TSC2: variants seen among roughly 807,000 people sequenced by gnomAD.
TSC2 encodes tuberin.
TSC2 carries 29 observed loss-of-function variants against 202.2 expected under a neutral mutation model. The observed-to-expected ratio is 0.14, with a 90% CI of 0.11 to 0.20. The LOEUF (loss-of-function observed/expected upper bound fraction) is 0.20. Ranked by LOEUF, TSC2 falls within the 10% of genes least tolerant of loss-of-function variation. The probability of loss-of-function intolerance (pLI) is 1.00; values close to 1 mark genes in which losing one functional copy is unlikely to be tolerated. For synonymous variants in TSC2, 1,349 were observed against 1,044.0 expected, an observed-to-expected ratio of 1.29 and a Z score of -5.63; for missense variants, 2,429 against 2,420.0, an observed-to-expected ratio of 1.00 and a Z score of -0.08.
At chr16:2,086,412 C>CCAGGCCT (rs1567534000) in intron 37 of TSC2, 33 bp downstream of exon 37, 2 of 1,605,016 alleles carry the variant, frequency 1.2e-6, no homozygotes, top group Non-Finnish European at 1.7e-6. Flanking sequence ...TCCTGCTGCC[C>CCAGGCCT]CAGGCCTCAG....
At chr16:2,049,954 T>A (rs1031078753) in intron 2 of TSC2, among the ~76,000 whole-genome samples, 1 of 138,546 alleles carries the variant, frequency 7.2e-6, no homozygotes, top group African/African-American at 2.6e-5. Flanking sequence ...TCAGTAAATC[T>A]TTTTTTTTTT....
intron 9 of TSC2, among the ~76,000 whole-genome samples, chr16:2,057,608 C>T (rs1411181959): frequency 6.6e-6 from 1 of 152,190 alleles, no homozygotes; most frequent in Non-Finnish European, 1.5e-5. Context: ...CTCCTGCTCT[C>T]CTGTATCCAT....
At chr16:2,056,877 T>C in intron 8 of TSC2, 108 bp downstream of exon 8, 2 of 1,564,152 alleles carry the variant, frequency 1.3e-6, no homozygotes, top group Non-Finnish European at 1.7e-6. Flanking sequence ...GGCCAGACAA[T>C]GGCCTGTTGA....
chr16:2,048,544 G>C, intron 1 of TSC2, 43 bp from the exon 2 acceptor site: 1 of 1,612,036 alleles, frequency 6.2e-7, no homozygotes. Flanking sequence ...AAGGTGGGCA[G>C]AGGTGTTGCT....
At chr16:2,067,228 A>C (rs1036901698) in intron 16 of TSC2, among the ~76,000 whole-genome samples, 3 of 151,866 alleles carry the variant, frequency 2.0e-5, no homozygotes, top group African/African-American at 7.3e-5. Context: ...CTGTGACCAT[A>C]GCTCAGTGCA....
At chr16:2,048,198 CCTTA>C in intron 1 of TSC2, 133 bp downstream of exon 1, 2 of 1,531,716 alleles carry the variant, frequency 1.3e-6, no homozygotes. Context: ...TCCGAGCATC[CCTTA>C]GTTTTAAGTC....
At chr16:2,085,758 G>A (rs548599278) in intron 36 of TSC2, among the ~76,000 whole-genome samples, 3 of 152,338 alleles carry the variant, frequency 2.0e-5, no homozygotes, top group South Asian at 4.1e-4. Context: ...CAGCCTCAGC[G>A]CCCTATAGGC....
At position 2,068,158 on chromosome 16, in the gene TSC2, G is replaced by C. The variant is rs150501019; in HGVS notation, c.1717-2298G>C. Among the ~76,000 whole-genome samples the C allele has an allele frequency of 4.5e-3, 680 of 152,260 alleles. 11 individuals carry two copies. The highest frequency in any genetic ancestry group is 0.016 in the African/African-American group (649 of 41,554). Reference sequence around the variant, plus strand: ...AGGTTCAAGCAATTCTCTTGCCTCAGCCTCCTGAGTAGCTGAGATGACAGG... The same window carrying C: ...AGGTTCAAGCAATTCTCTTGCCTCACCCTCCTGAGTAGCTGAGATGACAGG... On this transcript the variant is annotated intron_variant, in intron 16 of 41. Transcript: ENST00000219476.
intron 36 of TSC2, 43 bp downstream of exon 36, chr16:2,085,365 T>A: frequency 6.2e-7 from 1 of 1,606,008 alleles, no homozygotes; most frequent in Non-Finnish European, 8.5e-7. Flanking sequence ...CAGGGCCAGC[T>A]GGGCCTCAGC....
chr16:2,070,525 C>T lies in TSC2; in HGVS notation c.1786C>T (p.Leu596Phe). 1 of 1,613,384 alleles carries T rather than the reference C, an allele frequency of 6.2e-7. No homozygotes were observed. Among genetic ancestry groups the T allele is most frequent in the Non-Finnish European group, 8.5e-7 (1 of 1,180,046 alleles). Residue 596 changes from leucine to phenylalanine, a missense_variant, in exon 17 of 42, where the codon CTC becomes TTC. Leu to Phe is a conservative substitution (Grantham distance 22). Coordinates refer to ENST00000219476, the MANE Select transcript of TSC2 (RefSeq NM_000548.5). ...TGAGATGCTGGTCAGCCACATTCAGCTCCACTACAAGCACAGCTACACCCT... is the reference window on the plus strand; with the variant it reads ...TGAGATGCTGGTCAGCCACATTCAGTTCCACTACAAGCACAGCTACACCCT... ...VYEMLVSHIQ[L>F]HYKHSYTLPI...
Position 2,075,907 on chromosome 16 carries a change from C to T in TSC2, c.2639+15C>T, listed in dbSNP as rs397515299. 3 of 1,612,940 alleles carry T rather than the reference C, an allele frequency of 1.9e-6. No homozygotes were observed. Among genetic ancestry groups the T allele is most frequent in the African/African-American group, 1.3e-5 (1 of 74,948 alleles). ...AACCCCTCCAAGTGAGTGGTCGCCC[C>T]AGGCCCTGTGCCTCCCAGCCGTGGC... On this transcript the variant is annotated intron_variant, in intron 23 of 41. Transcript: ENST00000219476.
rs1346678348 is a variant in TSC2, at chr16:2,056,185, G to A, written c.600-11G>A. On this transcript the variant is annotated splice_polypyrimidine_tract_variant and intron_variant, in intron 6 of 41. Transcript: ENST00000219476. ...CAGTGCTGCCGGGACTGAGCTCGGTGCTCCCTGCAGGATGATCTGTCTGCT... is the reference window on the plus strand; with the variant it reads ...CAGTGCTGCCGGGACTGAGCTCGGTACTCCCTGCAGGATGATCTGTCTGCT... 6.2e-7 allele frequency: 1 copy of A among 1,613,804 alleles called. No individual in the cohort carries two copies. Among genetic ancestry groups the A allele is most frequent in the East Asian group, 2.2e-5 (1 of 44,882 alleles).
chr16:2,062,813 G>A (rs553046714), intron 13 of TSC2, 159 bp from the exon 14 acceptor site: 6 of 948,160 alleles, frequency 6.3e-6, no homozygotes, highest in Non-Finnish European at 9.6e-6. Context: ...CTTTTCGGGG[G>A]TCGTCTGGAG....
In TSC2 at chr16:2,072,996, A is replaced by T. The variant is rs2151329365; in HGVS notation, c.2355+13A>T. The T allele has an allele frequency of 1.2e-6, 2 of 1,613,260 alleles. No individual in the cohort carries two copies. Among genetic ancestry groups the T allele is most frequent in the East Asian group, 2.2e-5 (1 of 44,890 alleles). On this transcript the variant is annotated intron_variant, in intron 21 of 41. Coordinates refer to ENST00000219476, the MANE Select transcript of TSC2 (RefSeq NM_000548.5). ...CAAAACCAAACAGGTAGGAGGTCAG[A>T]GCAGGACAGGCGAGCTTGATGGGGC...
chr16:2,063,121 TGCACGTGCTCCC>T, intron 14 of TSC2, 68 bp downstream of exon 14: 1 of 1,524,832 alleles, frequency 6.6e-7, no homozygotes, highest in Non-Finnish European at 8.9e-7. Context: ...GTCTCTGTTG[TGCACGTGCTCCC>T]GCAGAGCCGG....
rs1172335318 is a variant in TSC2, at chr16:2,088,735, TTTGTCTGC to T, written c.*129_*136del. ...GCAGTCAGACAGCTCTTTTATTGAC[TTTGTCTGC>T]TTGGTGCGGGGGTTGGGGGGGTGTC... On this transcript the variant is annotated 3_prime_UTR_variant, in exon 42 of 42. Transcript: ENST00000219476. 5 of 1,342,340 alleles carry T rather than the reference TTTGTCTGC, an allele frequency of 3.7e-6. No homozygotes were observed. Among genetic ancestry groups the T allele is most frequent in the African/African-American group, 1.5e-5 (1 of 68,342 alleles). 83.2% of individuals were successfully genotyped at this position (1,342,340 alleles called of 1,614,324 possible). A position where few individuals can be genotyped will look rare whatever the true frequency, so the allele number is the denominator to read the frequency against.
At chr16:2,077,004 G>A (rs1031898408) in intron 25 of TSC2, among the ~76,000 whole-genome samples, 6 of 152,200 alleles carry the variant, frequency 3.9e-5, no homozygotes, top group South Asian at 2.1e-4. Flanking sequence ...TCATTTGAAC[G>A]GCTTTCTCCT....
chr16:2,071,237 C>CATCCCT (rs2088321206), intron 17 of TSC2, among the ~76,000 whole-genome samples: 1 of 152,206 alleles, frequency 6.6e-6, no homozygotes, highest in African/African-American at 2.4e-5. Flanking sequence ...GCGAGGCGCC[C>CATCCCT]ATCCCTTCCA....
At chr16:2,066,344 C>G (rs1306433927) in intron 16 of TSC2, 1 of 152,656 alleles carries the variant, frequency 6.6e-6, no homozygotes, top group African/African-American at 2.4e-5. Context: ...GTTGGTGCTC[C>G]CCTCCTTTTC....
Sources: allele counts gnomAD v4.1 joint callset (sites outside exome capture counted in the v4.1 genomes callset), GRCh38; gene constraint gnomAD v4.1.1; transcripts MANE v1.5; gene names NCBI Gene and HGNC (gene_info 2026-07-23, HGNC 2026-07-21).